CAB39L: variants seen among roughly 807,000 people sequenced by gnomAD.
CAB39L encodes calcium binding protein 39 like.
Under a neutral mutation model 39.1 loss-of-function variants are expected in CAB39L, and 23 were observed. That is an observed-to-expected ratio of 0.59 (90% CI 0.42 to 0.83). The LOEUF (loss-of-function observed/expected upper bound fraction) is 0.83. Ranked by LOEUF, CAB39L falls within the 40% of genes least tolerant of loss-of-function variation. The pLI, the probability that CAB39L is intolerant of heterozygous loss-of-function variation, is 0.00. For missense variants in CAB39L, 366 were observed against 391.9 expected (o/e 0.93, Z 0.56); for synonymous variants, 126 against 137.2 (o/e 0.92, Z 0.57).
At chr13:49,370,703 G>A (rs2138541652) in intron 5 of CAB39L, among the ~76,000 whole-genome samples, 1 of 152,268 alleles carries the variant, frequency 6.6e-6, no homozygotes, top group East Asian at 1.9e-4. Flanking sequence ...TCCTTATGCA[G>A]ATTACATTCC....
intron 3 of CAB39L, among the ~76,000 whole-genome samples, chr13:49,427,927 TCTTA>T (rs952063064): frequency 1.3e-5 from 2 of 152,154 alleles, no homozygotes; most frequent in African/African-American, 4.8e-5. Context: ...CTCTCAGGAC[TCTTA>T]CAAGGACACT....
At chr13:49,325,499 G>C (rs768508297) in intron 10 of CAB39L, among the ~76,000 whole-genome samples, 20 of 152,114 alleles carry the variant, frequency 1.3e-4, no homozygotes, top group Non-Finnish European at 2.8e-4. Flanking sequence ...CTAGAAAGTG[G>C]GTCCTTAGGC....
At chr13:49,419,233 G>C (rs547354147) in intron 3 of CAB39L, among the ~76,000 whole-genome samples, 69 of 152,204 alleles carry the variant, frequency 4.5e-4, no homozygotes, top group Non-Finnish European at 2.6e-4. Flanking sequence ...CTCCCAAAGT[G>C]CTGGGATTAC....
chr13:49,422,403 T>C (rs1957183973), intron 3 of CAB39L, among the ~76,000 whole-genome samples: 1 of 152,112 alleles, frequency 6.6e-6, no homozygotes, highest in South Asian at 2.1e-4. Context: ...CAAAACCTTA[T>C]TTCTACTAAA....
At chr13:49,395,237 CT>C (rs543831076) in intron 3 of CAB39L, among the ~76,000 whole-genome samples, 5,042 of 134,870 alleles carry the variant, frequency 0.037, 215 homozygotes, top group African/African-American at 0.11. Flanking sequence ...TCTTTTCTTT[CT>C]TTTTTTTTTT....
At chr13:49,434,500 C>T (rs1308603544) in intron 1 of CAB39L, among the ~76,000 whole-genome samples, 2 of 152,080 alleles carry the variant, frequency 1.3e-5, no homozygotes, top group Non-Finnish European at 1.5e-5. Flanking sequence ...CTCAGTCAAA[C>T]GAATTTCCAG....
chr13:49,374,499 G>A (rs1169900543), intron 5 of CAB39L, among the ~76,000 whole-genome samples: 1 of 151,996 alleles, frequency 6.6e-6, no homozygotes, highest in African/African-American at 2.4e-5. Flanking sequence ...GTCTATTTTA[G>A]GCAATTAAAT....
At chr13:49,436,878 A>G (rs994357539) in intron 1 of CAB39L, among the ~76,000 whole-genome samples, 1 of 152,020 alleles carries the variant, frequency 6.6e-6, no homozygotes, top group Non-Finnish European at 1.5e-5. Context: ...AGTTTTCTTT[A>G]GTGCTATAGT....
chr13:49,377,060 G>A lies in CAB39L; in HGVS notation c.183C>T (p.Pro61=). 1 of 1,613,444 alleles carries A rather than the reference G, an allele frequency of 6.2e-7. No individual in the cohort carries two copies. Among genetic ancestry groups the A allele is most frequent in the Non-Finnish European group, 8.5e-7 (1 of 1,179,494 alleles). Residue 61 remains proline, a synonymous_variant, in exon 5 of 11, where the codon CCC becomes CCT. Transcript: ENST00000409308. The part of the protein sequence containing the change: ...EILCGTNEKE[P]PTEAVAQLAQ... ...CTAGCTGAGCCACTGCTTCTGTTGG[G>A]GGTTCTTTCTCGTTTGTACCACACA...
At chr13:49,328,270 G>A (rs1365278797) in intron 10 of CAB39L, among the ~76,000 whole-genome samples, 2 of 152,166 alleles carry the variant, frequency 1.3e-5, no homozygotes, top group African/African-American at 4.8e-5. Flanking sequence ...GATATGGTTG[G>A]ACATTTTCGC....
chr13:49,387,213 A>G (rs568385274), intron 3 of CAB39L, among the ~76,000 whole-genome samples: 22 of 152,136 alleles, frequency 1.4e-4, no homozygotes, highest in Non-Finnish European at 2.5e-4. Flanking sequence ...TGAGTCTTTA[A>G]CCCCCAGTAT....
At chr13:49,403,292 C>G (rs1956811029) in intron 3 of CAB39L, among the ~76,000 whole-genome samples, 1 of 152,052 alleles carries the variant, frequency 6.6e-6, no homozygotes, top group Non-Finnish European at 1.5e-5. Flanking sequence ...AAAGGTTGTT[C>G]TGGTCCCTCT....
chr13:49,375,152 C>G (rs1018613955), intron 5 of CAB39L, among the ~76,000 whole-genome samples: 3 of 151,818 alleles, frequency 2.0e-5, no homozygotes, highest in Admixed American at 6.6e-5. Flanking sequence ...ATTTAGTGTC[C>G]CTATATAACA....
intron 1 of CAB39L, among the ~76,000 whole-genome samples, chr13:49,439,921 GTTT>G (rs34993624): frequency 6.4e-5 from 5 of 78,582 alleles, no homozygotes; most frequent in Admixed American, 3.6e-4. Context: ...TTTTTAATGG[GTTT>G]TTTTTTTTTT....
At chr13:49,392,120 AC>A (rs1956500645) in intron 3 of CAB39L, among the ~76,000 whole-genome samples, 1 of 152,160 alleles carries the variant, frequency 6.6e-6, no homozygotes, top group Admixed American at 6.6e-5. Context: ...ACACACACAC[AC>A]AAAGCATTTA....
rs181270351 is a variant in CAB39L at position 49,355,634 on chromosome 13, C to A, written c.395+4080G>T. Among the ~76,000 whole-genome samples, 337 of 151,870 alleles carry A rather than the reference C, an allele frequency of 2.2e-3. 2 individuals are homozygous for A. The highest frequency in any genetic ancestry group is 7.8e-3 in the African/African-American group (321 of 41,376). On this transcript the variant is annotated intron_variant, in intron 6 of 10. Coordinates refer to ENST00000409308, the MANE Select transcript of CAB39L (RefSeq NM_001079670.3). ...ATTTTAGTGATGTTAAGAGATATCA[C>A]CTAGAAGGGGCCACAGATGGCCAAT...
At chr13:49,408,768 T>C (rs1488149932) in intron 3 of CAB39L, among the ~76,000 whole-genome samples, 1 of 151,688 alleles carries the variant, frequency 6.6e-6, no homozygotes, top group Non-Finnish European at 1.5e-5. Flanking sequence ...GAGGCAGAGG[T>C]TGCAGTGAGC....
At chr13:49,426,834 C>A (rs1180352380) in intron 3 of CAB39L, among the ~76,000 whole-genome samples, 1 of 152,170 alleles carries the variant, frequency 6.6e-6, no homozygotes, top group Non-Finnish European at 1.5e-5. Flanking sequence ...CATTACTATA[C>A]GTGTTTGTTT....
At chr13:49,387,169 C>G (rs1252871062) in intron 3 of CAB39L, among the ~76,000 whole-genome samples, 1 of 152,184 alleles carries the variant, frequency 6.6e-6, no homozygotes, top group Admixed American at 6.6e-5. Context: ...AGCATCAGGG[C>G]TCTAGGTTAT....
Sources: allele counts gnomAD v4.1 joint callset (sites outside exome capture counted in the v4.1 genomes callset), GRCh38; gene constraint gnomAD v4.1.1; transcripts MANE v1.5; gene names NCBI Gene and HGNC (gene_info 2026-07-23, HGNC 2026-07-21).